The following PWWP3A variants were observed in gnomAD, a reference collection of about 807,000 sequenced individuals.
The protein encoded by PWWP3A is PWWP domain containing 3A, DNA repair factor, also known as PWWP domain-containing DNA repair factor 3A.
PWWP3A carries 53 observed loss-of-function variants against 79.0 expected under a neutral mutation model. The ratio of observed to expected loss-of-function variants is 0.67; its 90% confidence interval spans 0.54 to 0.84. The LOEUF (loss-of-function observed/expected upper bound fraction) is 0.84. Ranked by LOEUF, PWWP3A falls within the 40% of genes least tolerant of loss-of-function variation. The pLI, the probability that PWWP3A is intolerant of heterozygous loss-of-function variation, is 0.00. For missense variants in PWWP3A, 973 were observed against 948.0 expected (o/e 1.03, Z -0.35); for synonymous variants, 443 against 394.4 (o/e 1.12, Z -1.46).
Position 1,360,792 on chromosome 19 carries a change from T to C in PWWP3A, c.871T>C (p.Cys291Arg), listed in dbSNP as rs2081995334. 1 of 1,600,710 alleles carries C rather than the reference T, an allele frequency of 6.2e-7. No homozygotes were observed. The highest frequency in any genetic ancestry group is 8.5e-7 in the Non-Finnish European group (1 of 1,174,126). ...TAPPAPEPSA[C>R]SEPGECPAKK... ...GCCCCCAGCCCCTGAGCCCTCGGCC[T>C]GCTCAGAGCCTGGAGAATGCCCTGC... The change falls in exon 5 of 14, where the codon TGC becomes CGC. Residue 291 changes from cysteine to arginine, a missense_variant. Physicochemically the swap from Cys to Arg is radical, Grantham distance 180. Coordinates refer to ENST00000591337, the MANE Select transcript of PWWP3A (RefSeq NM_001369789.1). The surrounding 1 kb of genome is among the most constrained non-coding windows in gnomAD (Gnocchi z 4.4).
intron 12 of PWWP3A, chr19:1,371,386 G>A (rs995041692): frequency 5.0e-5 from 35 of 702,954 alleles, no homozygotes; most frequent in Middle Eastern, 4.6e-4. Context: ...TCCCAGCCTC[G>A]GTGGGTCAGT....
Position 1,369,762 on chromosome 19 carries a change from C to A in PWWP3A, c.1549+116C>A. On this transcript the variant is annotated intron_variant, in intron 11 of 13. Coordinates refer to ENST00000591337, the MANE Select transcript of PWWP3A (RefSeq NM_001369789.1). This position sits in a 1 kb window ranked among gnomAD's most constrained non-coding sequence, Gnocchi z 4.0. The stretch of plus-strand genomic sequence containing the variant: ...GTTGGGGTCAAGGCACTGTCCGCAG[C>A]CACACAGCATTGTTCAACCTCTATG... 1.7e-6 allele frequency: 2 copies of A among 1,146,178 alleles called. No individual in the cohort carries two copies. Among genetic ancestry groups the A allele is most frequent in the Non-Finnish European group, 2.6e-6 (2 of 756,686 alleles). The allele number at this position is 1,146,178 out of a possible 1,614,324, so 71.0% of individuals were successfully genotyped here. A position where few individuals can be genotyped will look rare whatever the true frequency, so the allele number is the denominator to read the frequency against.
intron 1 of PWWP3A, 25 bp from the exon 2 acceptor site, chr19:1,356,299 A>AACC (rs1417723521): frequency 7.9e-7 from 1 of 1,263,974 alleles, no homozygotes; most frequent in Non-Finnish European, 1.2e-6. Context: ...CAGTTGTATA[A>AACC]ACCACCGTGC....
chr19:1,362,088 T>A (rs908947862), intron 5 of PWWP3A, 162 bp from the exon 6 acceptor site: 2 of 478,016 alleles, frequency 4.2e-6, no homozygotes, highest in Middle Eastern at 3.1e-4. Context: ...AAAATGTAGT[T>A]TATTAGAAGC....
At chr19:1,363,877 C>G (rs1182140067) in intron 6 of PWWP3A, among the ~76,000 whole-genome samples, 2 of 152,200 alleles carry the variant, frequency 1.3e-5, no homozygotes, top group South Asian at 4.1e-4. Flanking sequence ...CACTTCCTTC[C>G]TTCCACAGTG....
intron 6 of PWWP3A, among the ~76,000 whole-genome samples, chr19:1,363,690 G>C (rs1189808955): frequency 6.6e-6 from 1 of 152,216 alleles, no homozygotes; most frequent in Non-Finnish European, 1.5e-5. Context: ...CCTCTGAATT[G>C]ATTGTTTGTC....
Position 1,369,535 on chromosome 19 carries a change from A to G in PWWP3A, c.1499-61A>G. The G allele has an allele frequency of 6.3e-7, 1 of 1,595,754 alleles. No individual in the cohort carries two copies. Among genetic ancestry groups the G allele is most frequent in the Non-Finnish European group, 8.6e-7 (1 of 1,163,592 alleles). ...CAGAGACGCCGGGCCAGCCCCTGGAACACACTTCCTGGGACTCCTCTTAGG... is the reference window on the plus strand; with the variant it reads ...CAGAGACGCCGGGCCAGCCCCTGGAGCACACTTCCTGGGACTCCTCTTAGG... On this transcript the variant is annotated intron_variant, in intron 10 of 13. Coordinates refer to ENST00000591337, the MANE Select transcript of PWWP3A (RefSeq NM_001369789.1). The surrounding 1 kb of genome is among the most constrained non-coding windows in gnomAD (Gnocchi z 4.0).
rs374404267 is a variant in PWWP3A, at chr19:1,373,168, G to T, written c.2075+8G>T. On this transcript the variant is annotated splice_region_variant and intron_variant, in intron 13 of 13. Transcript: ENST00000591337. ...GCCTTCGCTGAGCTACCGGTAGGCCGCTCCCGGCGCTATCTCCAGCCACTT... is the reference window on the plus strand; with the variant it reads ...GCCTTCGCTGAGCTACCGGTAGGCCTCTCCCGGCGCTATCTCCAGCCACTT... 6.2e-7 allele frequency: 1 copy of T among 1,611,680 alleles called. No homozygotes were observed. Among genetic ancestry groups the T allele is most frequent in the African/African-American group, 1.3e-5 (1 of 74,918 alleles).
rs866576747 is a variant in PWWP3A at position 1,369,166 on chromosome 19, C to A, written c.1423-99C>A. The A allele has an allele frequency of 2.1e-4, 236 of 1,106,216 alleles. 1 individual carries two copies. In the African/African-American group the frequency reaches 3.4e-3, roughly 16 times the overall value. The allele number at this position is 1,106,216 out of a possible 1,614,324, so 68.5% of individuals were successfully genotyped here. A position where few individuals can be genotyped will look rare whatever the true frequency, so the allele number is the denominator to read the frequency against. On this transcript the variant is annotated intron_variant, in intron 9 of 13. Coordinates refer to ENST00000591337, the MANE Select transcript of PWWP3A (RefSeq NM_001369789.1). The surrounding 1 kb of genome is among the most constrained non-coding windows in gnomAD (Gnocchi z 4.0). ...GAGGTGCGGGCTGGAGCGTGAGCAG[C>A]CTGGACACCTGGCTGGTCCCTGGGC... is the stretch of plus-strand genomic sequence containing the variant.
At position 1,362,320 on chromosome 19, in the gene PWWP3A, CGAG is replaced by C. The variant is rs1266947447; in HGVS notation, c.1186_1188del (p.Glu396del). ...CTATCCTGGAGGAAGACGAGGAAGA[CGAG>C]GAGCCACCAAGAGTCCTTTTATACC... On this transcript the variant is annotated inframe_deletion, in exon 6 of 14. Transcript: ENST00000591337. 5.0e-6 allele frequency: 8 copies of C among 1,613,938 alleles called. No homozygotes were observed. Among genetic ancestry groups the C allele is most frequent in the South Asian group, 4.4e-5 (4 of 91,070 alleles).
intron 13 of PWWP3A, among the ~76,000 whole-genome samples, chr19:1,375,415 T>A (rs1190075015): frequency 1.9e-5 from 2 of 103,420 alleles, no homozygotes; most frequent in Non-Finnish European, 3.8e-5. Context: ...TAATATATAT[T>A]ATATATATAA....
intron 5 of PWWP3A, 147 bp downstream of exon 5, chr19:1,361,179 C>T: frequency 1.4e-6 from 1 of 730,626 alleles, no homozygotes; most frequent in Non-Finnish European, 1.9e-6. Flanking sequence ...CTTCCTCATT[C>T]CTTTTTGTCT....
In PWWP3A at chr19:1,360,791, C is replaced by T; in HGVS notation, c.870C>T (p.Ala290=). The T allele has an allele frequency of 1.2e-6, 2 of 1,601,156 alleles. No homozygotes were observed. The highest frequency in any genetic ancestry group is 1.7e-6 in the Non-Finnish European group (2 of 1,174,248). Residue 290 remains alanine, a synonymous_variant, in exon 5 of 14, where the codon GCC becomes GCT. Coordinates refer to ENST00000591337, the MANE Select transcript of PWWP3A (RefSeq NM_001369789.1). This position sits in a 1 kb window ranked among gnomAD's most constrained non-coding sequence, Gnocchi z 4.4. ...LTAPPAPEPS[A]CSEPGECPAK... ...CGCCCCCAGCCCCTGAGCCCTCGGC[C>T]TGCTCAGAGCCTGGAGAATGCCCTG...
chr19:1,369,411 C>A lies in PWWP3A; in HGVS notation c.1498+71C>A. ...AGCCTCTGAAGACCCCTTGGACGGG[C>A]TGGGCCGGAGCTGCCTGGAGGCGGG... On this transcript the variant is annotated intron_variant, in intron 10 of 13. Coordinates refer to ENST00000591337, the MANE Select transcript of PWWP3A (RefSeq NM_001369789.1). This position sits in a 1 kb window ranked among gnomAD's most constrained non-coding sequence, Gnocchi z 4.0. 6.4e-7 allele frequency: 1 copy of A among 1,568,460 alleles called. No individual in the cohort carries two copies. Among genetic ancestry groups the A allele is most frequent in the Non-Finnish European group, 8.8e-7 (1 of 1,140,934 alleles).
intron 5 of PWWP3A, chr19:1,361,910 T>A: frequency 4.1e-6 from 1 of 241,138 alleles, no homozygotes; most frequent in East Asian, 1.0e-4. Context: ...CACTGATTGC[T>A]TCAGATGTGA....
At chr19:1,364,431 G>A in intron 6 of PWWP3A, 78 bp from the exon 7 acceptor site, 1 of 1,034,982 alleles carries the variant, frequency 9.7e-7, no homozygotes, top group Non-Finnish European at 1.5e-6. Flanking sequence ...GTTTTCTCAG[G>A]CTGTTACACC....
Position 1,370,951 on chromosome 19 carries a change from A to G in PWWP3A, c.1859A>G (p.Glu620Gly). The G allele has an allele frequency of 6.4e-7, 1 of 1,557,974 alleles. No individual in the cohort carries two copies. Among genetic ancestry groups the G allele is most frequent in the Non-Finnish European group, 8.7e-7 (1 of 1,150,410 alleles). Residue 620 changes from glutamate to glycine, a missense_variant, in exon 12 of 14, where the codon GAG (glutamate) becomes GGG (glycine). Coordinates refer to ENST00000591337, the MANE Select transcript of PWWP3A (RefSeq NM_001369789.1). ...GTGACCTGTGTGGAGACCTACCTGG[A>G]GGATGAGGGGCAGCTGGACCTGGTG... ...QYVTCVETYL[E>G]DEGQLDLVVK...
At chr19:1,357,325 A>G in intron 3 of PWWP3A, 1 of 432,184 alleles carries the variant, frequency 2.3e-6, no homozygotes, top group Non-Finnish European at 4.2e-6. Flanking sequence ...CTATGGAGAG[A>G]TTGGTACAAA....
At chr19:1,364,105 C>G in intron 6 of PWWP3A, 1 of 521,240 alleles carries the variant, frequency 1.9e-6, no homozygotes, top group Non-Finnish European at 3.8e-6. Context: ...TGGGTCTTCT[C>G]CGCGTGCCAT....
Sources: allele counts gnomAD v4.1 joint callset (sites outside exome capture counted in the v4.1 genomes callset), GRCh38; gene constraint gnomAD v4.1.1; non-coding constraint Gnocchi (gnomAD v3.1); transcripts MANE v1.5; gene names NCBI Gene and HGNC (gene_info 2026-07-23, HGNC 2026-07-21).